The following CACNA2D1 variants were observed in gnomAD, a reference collection of about 807,000 sequenced individuals.
The protein encoded by CACNA2D1 is calcium voltage-gated channel auxiliary subunit alpha2delta 1.
CACNA2D1 carries 53 observed loss-of-function variants against 171.5 expected under a neutral mutation model. The ratio of observed to expected loss-of-function variants is 0.31; its 90% CI spans 0.25 to 0.39. The LOEUF (loss-of-function observed/expected upper bound fraction) is 0.39. CACNA2D1 is among the 10% of genes least tolerant of loss of function. The pLI is 1.00. For missense variants in CACNA2D1, 903 were observed against 1,299.8 expected (o/e 0.69, Z 4.69); for synonymous variants, 442 against 443.1 (o/e 1.00, Z 0.03).
At chr7:82,362,599 G>A (rs929267864) in intron 1 of CACNA2D1, among the ~76,000 whole-genome samples, 1 of 152,124 alleles carries the variant, frequency 6.6e-6, no homozygotes, top group Non-Finnish European at 1.5e-5. Flanking sequence ...GCTGTCTGCA[G>A]AACTGTCTTT....
chr7:82,098,153 A>T (rs995495428), intron 6 of CACNA2D1, among the ~76,000 whole-genome samples: 29 of 152,126 alleles, frequency 1.9e-4, no homozygotes, highest in African/African-American at 7.0e-4. Context: ...ATAAAAAAAT[A>T]AAGCAAGAAA....
chr7:81,958,576 A>C (rs1288371422), intron 38 of CACNA2D1, among the ~76,000 whole-genome samples: 1 of 152,068 alleles, frequency 6.6e-6, no homozygotes, highest in Non-Finnish European at 1.5e-5. Context: ...CTTGTATATA[A>C]TCAATACACA....
At chr7:82,237,430 T>C (rs1403587614) in intron 3 of CACNA2D1, among the ~76,000 whole-genome samples, 1 of 151,944 alleles carries the variant, frequency 6.6e-6, no homozygotes, top group Non-Finnish European at 1.5e-5. Flanking sequence ...TCATGTTTTC[T>C]AGATTGTTTT....
intron 3 of CACNA2D1, among the ~76,000 whole-genome samples, chr7:82,239,413 C>A (rs1022965405): frequency 6.6e-6 from 1 of 152,014 alleles, no homozygotes. Context: ...ACTCAGCAGA[C>A]CCCACGTCCC....
chr7:82,057,590 A>G lies in CACNA2D1; in HGVS notation c.879+2838T>C, dbSNP rs377139213. ...AGAAAAAAAAAAAATAAGTGATGCT[A>G]CTGGCAGGGTTCCAGTTGACAAGAG... On this transcript the variant is annotated intron_variant, in intron 10 of 38. Coordinates refer to ENST00000356860, the MANE Select transcript of CACNA2D1 (RefSeq NM_000722.4). Among the ~76,000 whole-genome samples, 126 of 152,012 alleles carry G rather than the reference A, an allele frequency of 8.3e-4. 4 individuals carry two copies. In the South Asian group the frequency reaches 0.026, roughly 31 times the overall value.
At chr7:82,208,045 A>G (rs1800189129) in intron 3 of CACNA2D1, among the ~76,000 whole-genome samples, 1 of 152,148 alleles carries the variant, frequency 6.6e-6, no homozygotes. Flanking sequence ...AACTTGTGCC[A>G]TATACCTTAA....
At chr7:82,436,615 G>T (rs1461393114) in intron 1 of CACNA2D1, among the ~76,000 whole-genome samples, 1 of 152,154 alleles carries the variant, frequency 6.6e-6, no homozygotes, top group Non-Finnish European at 1.5e-5. Flanking sequence ...GAAGAAAACA[G>T]AAGCATTAAG....
chr7:82,414,369 C>T (rs978971098), intron 1 of CACNA2D1, among the ~76,000 whole-genome samples: 2 of 152,148 alleles, frequency 1.3e-5, no homozygotes, highest in African/African-American at 4.8e-5. Flanking sequence ...ATGTTTATTG[C>T]TGTACCCAAG....
chr7:81,971,739 C>T, intron 26 of CACNA2D1, 38 bp downstream of exon 26: 1 of 1,130,642 alleles, frequency 8.8e-7, no homozygotes, highest in Non-Finnish European at 1.3e-6. Flanking sequence ...AATTGAAATG[C>T]AGAATACATA....
At chr7:82,058,518 T>C (rs2131364109) in intron 10 of CACNA2D1, among the ~76,000 whole-genome samples, 1 of 152,312 alleles carries the variant, frequency 6.6e-6, no homozygotes, top group South Asian at 2.1e-4. Context: ...TGATCTTATT[T>C]GAGAGATCAA....
At chr7:82,287,330 A>G (rs1563312992) in intron 3 of CACNA2D1, among the ~76,000 whole-genome samples, 1 of 151,602 alleles carries the variant, frequency 6.6e-6, no homozygotes, top group African/African-American at 2.4e-5. Context: ...AACTTAAATT[A>G]TATTTAGGCA....
Position 82,268,449 on chromosome 7 carries a change from G to A in CACNA2D1, c.294+66686C>T, listed in dbSNP as rs953289024. Among the ~76,000 whole-genome samples the A allele has an allele frequency of 3.3e-5, 5 of 152,214 alleles. No homozygotes were observed. The East Asian group carries it at 5.8e-4, about 18-fold the overall frequency. ...GAGAACCTGAAACATACTGTTTAAC[G>A]TTTATTTAATTACAAAAATTTACTG... is the stretch of plus-strand genomic sequence containing the variant. On this transcript the variant is annotated intron_variant, in intron 3 of 38. Transcript: ENST00000356860.
At chr7:82,069,482 CA>C (rs1808058834) in intron 7 of CACNA2D1, among the ~76,000 whole-genome samples, 1 of 152,132 alleles carries the variant, frequency 6.6e-6, no homozygotes, top group African/African-American at 2.4e-5. Flanking sequence ...TTCCCCTGAT[CA>C]AAAATGAACT....
intron 3 of CACNA2D1, among the ~76,000 whole-genome samples, chr7:82,193,733 C>T (rs974392891): frequency 4.6e-5 from 7 of 151,884 alleles, no homozygotes; most frequent in African/African-American, 7.3e-5. Context: ...GAAGAGTAGG[C>T]ATTATTGAAA....
At chr7:82,001,084 T>C (rs964341734) in intron 18 of CACNA2D1, among the ~76,000 whole-genome samples, 22 of 152,252 alleles carry the variant, frequency 1.4e-4, no homozygotes, top group African/African-American at 3.1e-4. Flanking sequence ...TTTAGAAATA[T>C]TGTATACATG....
chr7:81,998,258 T>A (rs957721185), intron 18 of CACNA2D1, among the ~76,000 whole-genome samples: 7 of 152,022 alleles, frequency 4.6e-5, no homozygotes, highest in Admixed American at 4.6e-4. Context: ...ACTGAATTTT[T>A]AATTTTTATT....
At chr7:82,418,349 G>A (rs1828387151) in intron 1 of CACNA2D1, among the ~76,000 whole-genome samples, 1 of 152,032 alleles carries the variant, frequency 6.6e-6, no homozygotes, top group Admixed American at 6.6e-5. Flanking sequence ...TGGGGACACA[G>A]CCAAACCATA....
chr7:82,370,455 T>A (rs1480716430), intron 1 of CACNA2D1, among the ~76,000 whole-genome samples: 1 of 151,838 alleles, frequency 6.6e-6, no homozygotes, highest in African/African-American at 2.4e-5. Flanking sequence ...AATAACCAAT[T>A]AAATAATTAA....
chr7:82,029,433 C>A (rs909938109), intron 12 of CACNA2D1: 1 of 151,730 alleles, frequency 6.6e-6, no homozygotes, highest in Non-Finnish European at 1.5e-5. Flanking sequence ...GATCTGGAAC[C>A]AAACCCTCAG....
Sources: gnomAD v4.1 joint callset for allele counts (sites outside exome capture counted in the v4.1 genomes callset) on GRCh38, gnomAD v4.1.1 for gene constraint, MANE v1.5 for transcripts, NCBI Gene and HGNC (gene_info 2026-07-23, HGNC 2026-07-21) for gene names.